The following ZNF84 variants were observed in gnomAD, a reference collection of about 807,000 sequenced individuals.
ZNF84 encodes zinc finger protein HPF2.
ZNF84 carries 12 observed loss-of-function variants against 14.8 expected under a neutral mutation model. The observed-to-expected ratio is 0.81, with a 90% CI of 0.52 to 1.31. The LOEUF (loss-of-function observed/expected upper bound fraction) is 1.31. Among genes scored for constraint, ZNF84 ranks in the 50% most tolerant of loss-of-function variants. ZNF84 has a pLI of 0.00. For synonymous variants in ZNF84, 347 were observed against 291.1 expected, an observed-to-expected ratio of 1.19 and a Z score of -1.96; for missense variants, 859 against 878.6, an observed-to-expected ratio of 0.98 and a Z score of 0.28.
chr12:133,044,265 C>T (rs1411694808), intron 2 of ZNF84, among the ~76,000 whole-genome samples: 1 of 152,146 alleles, frequency 6.6e-6, no homozygotes, highest in Non-Finnish European at 1.5e-5. Flanking sequence ...CCACCTCAGC[C>T]TCCCAAGTAG....
chr12:133,045,539 T>G (rs1953966253), intron 2 of ZNF84, among the ~76,000 whole-genome samples: 1 of 151,856 alleles, frequency 6.6e-6, no homozygotes, highest in East Asian at 1.9e-4. Flanking sequence ...CTCAGAAAGC[T>G]GAAGTGGGAG....
In ZNF84 at chr12:133,057,750, G is replaced by A; in HGVS notation, c.1035G>A (p.Lys345=). 1 of 1,613,896 alleles carries A rather than the reference G, an allele frequency of 6.2e-7. No individual in the cohort carries two copies. The change falls in exon 5 of 5, where the codon AAG becomes AAA. Residue 345 remains lysine (K), a synonymous_variant. Transcript: ENST00000539354. ...INHQRIHTGE[K]PFECRECGKA... ...ATCAGAGAATTCATACCGGTGAGAA[G>A]CCTTTTGAATGCAGGGAATGTGGGA...
chr12:133,059,087 CAT>C lies in ZNF84; in HGVS notation c.*157_*158del. The C allele has an allele frequency of 2.7e-6, 2 of 754,576 alleles. No homozygotes were observed. Among genetic ancestry groups the C allele is most frequent in the South Asian group, 3.9e-5 (2 of 51,498 alleles). The allele number at this position is 754,576 out of a possible 1,614,324, so 46.7% of individuals were successfully genotyped here. On this transcript the variant is annotated 3_prime_UTR_variant, in exon 5 of 5. Coordinates refer to ENST00000539354, the MANE Select transcript of ZNF84 (RefSeq NM_001289971.2). ...GGTGTATGGAAAGCCGATCATAATT[CAT>C]AGAGTAGAGTGAACCTATGACTGCA...
At chr12:133,048,901 T>A in intron 4 of ZNF84, 53 bp downstream of exon 4, 1 of 1,480,766 alleles carries the variant, frequency 6.8e-7, no homozygotes, top group South Asian at 1.2e-5. Flanking sequence ...CCATGTCATC[T>A]GGTCAGTGAC....
At chr12:133,046,198 G>A (rs893189587) in intron 2 of ZNF84, among the ~76,000 whole-genome samples, 17 of 151,890 alleles carry the variant, frequency 1.1e-4, no homozygotes, top group African/African-American at 3.6e-4. Context: ...TTCTTGTAAG[G>A]TCTTTGATGG....
In ZNF84 at chr12:133,048,733, T is replaced by G; in HGVS notation, c.143-20T>G. The G allele has an allele frequency of 6.2e-7, 1 of 1,608,138 alleles. No individual in the cohort carries two copies. Among genetic ancestry groups the G allele is most frequent in the Non-Finnish European group, 8.5e-7 (1 of 1,175,252 alleles). On this transcript the variant is annotated intron_variant, in intron 3 of 4. Transcript: ENST00000539354. Reference sequence around the variant, plus strand: ...CCCAAGCAGTTGGGCCCAAGGCCTTTGTGATTTTTCCCTTAACAGGGTATG... The same window carrying G: ...CCCAAGCAGTTGGGCCCAAGGCCTTGGTGATTTTTCCCTTAACAGGGTATG...
At chr12:133,053,443 T>C (rs1954103900) in intron 4 of ZNF84, among the ~76,000 whole-genome samples, 1 of 152,154 alleles carries the variant, frequency 6.6e-6, no homozygotes, top group Non-Finnish European at 1.5e-5. Flanking sequence ...AAAATTAATA[T>C]ATTAGGCCTA....
At position 133,057,964 on chromosome 12, in the gene ZNF84, A is replaced by G; in HGVS notation, c.1249A>G (p.Ser417Gly). 1 of 1,613,504 alleles carries G rather than the reference A, an allele frequency of 6.2e-7. No individual in the cohort carries two copies. The highest frequency in any genetic ancestry group is 8.5e-7 in the Non-Finnish European group (1 of 1,179,892). Residue 417 changes from serine (S) to glycine (G), a missense_variant, in exon 5 of 5, where the codon AGT becomes GGT. By Grantham distance (56) the Ser-to-Gly change is moderately conservative (BLOSUM62 0). Coordinates refer to ENST00000539354, the MANE Select transcript of ZNF84 (RefSeq NM_001289971.2). ...TAGGAAAGCATTTAGAGAGAGGTCG[A>G]GTCTCATTAATCATCAGAGAACACA... is the stretch of plus-strand genomic sequence containing the variant. ...ECRKAFRERS[S>G]LINHQRTHTG...
chr12:133,063,215 C>T lies in ZNF84; in HGVS notation c.*4283C>T, dbSNP rs749654987. 1.4e-3 allele frequency: 983 copies of T among 702,330 alleles called. No homozygotes were observed. Among genetic ancestry groups the T allele is most frequent in the Non-Finnish European group, 1.8e-3 (707 of 384,834 alleles). The allele number at this position is 702,330 out of a possible 1,614,324, so 43.5% of individuals were successfully genotyped here. On this transcript the variant is annotated 3_prime_UTR_variant, in exon 5 of 5. Transcript: ENST00000539354. ...GTTCTTCTGGTCTTCATGTTCAGGT[C>T]CACCTCTGCCCTTTTCATGTCTTGA...
intron 2 of ZNF84, among the ~76,000 whole-genome samples, chr12:133,044,679 G>A (rs1344969989): frequency 6.6e-6 from 1 of 152,048 alleles, no homozygotes; most frequent in Middle Eastern, 3.2e-3. Flanking sequence ...ACTTTGGGAG[G>A]CCGAGTAGGG....
chr12:133,058,797 G>A lies in ZNF84; in HGVS notation c.2082G>A (p.Gln694=). The A allele has an allele frequency of 6.2e-7, 1 of 1,614,056 alleles. No homozygotes were observed. The highest frequency in any genetic ancestry group is 8.5e-7 in the Non-Finnish European group (1 of 1,179,986). Residue 694 remains glutamine (Q), a synonymous_variant, in exon 5 of 5, where the codon CAG becomes CAA. Transcript: ENST00000539354. ...GTGAATGTAGGAAGGCCTTCTCTCA[G>A]AAGTCACAGCTGGTTAATCATCAGA... is the stretch of plus-strand genomic sequence containing the variant. The part of the protein sequence containing the change: ...GCSECRKAFS[Q]KSQLVNHQRI...
intron 3 of ZNF84, 65 bp from the exon 4 acceptor site, chr12:133,048,688 C>T (rs1954025002): frequency 7.9e-7 from 1 of 1,258,730 alleles, no homozygotes; most frequent in Non-Finnish European, 1.1e-6. Context: ...AAACCTTGCT[C>T]AACTTTAGAG....
intron 2 of ZNF84, among the ~76,000 whole-genome samples, chr12:133,045,772 ACTT>A (rs1424104078): frequency 2.6e-5 from 4 of 152,044 alleles, no homozygotes; most frequent in African/African-American, 9.7e-5. Flanking sequence ...CATTCACTGA[ACTT>A]CTTGAATTTT....
Position 133,057,239 on chromosome 12 carries a change from C to T in ZNF84, c.524C>T (p.Thr175Ile). ...CATTCCAAGCCTGAGGATACTGATA[C>T]CTGGTTAAAATACTATGACTGTGAT... ...FLHSKPEDTD[T>I]WLKYYDCDKY... The change falls in exon 5 of 5, where the codon ACC (threonine) becomes ATC (isoleucine). Residue 175 changes from threonine (T) to isoleucine (I), a missense_variant. Thr to Ile is a moderately conservative substitution (Grantham distance 89). Transcript: ENST00000539354. 2.5e-6 allele frequency: 4 copies of T among 1,613,836 alleles called. No homozygotes were observed. Among genetic ancestry groups the T allele is most frequent in the Non-Finnish European group, 3.4e-6 (4 of 1,179,978 alleles).
chr12:133,043,005 C>G (rs1445360912), intron 2 of ZNF84, among the ~76,000 whole-genome samples: 1 of 152,080 alleles, frequency 6.6e-6, no homozygotes, highest in African/African-American at 2.4e-5. Context: ...TAGTTCTGCT[C>G]CTATCTGTGC....
At position 133,041,394 on chromosome 12, in the gene ZNF84, T is replaced by C. The variant is rs1953885185; in HGVS notation, c.-74T>C. 1 of 1,517,988 alleles carries C rather than the reference T, an allele frequency of 6.6e-7. No individual in the cohort carries two copies. The highest frequency in any genetic ancestry group is 9.1e-7 in the Non-Finnish European group (1 of 1,093,892). 94.0% of individuals were successfully genotyped at this position (1,517,988 alleles called of 1,614,324 possible). ...CTAGCTGAGACCTCACTCCACAGTT[T>C]TGGGGCAGAAGCAGAAGAGACGCAC... On this transcript the variant is annotated 5_prime_UTR_variant, in exon 2 of 5. Transcript: ENST00000539354.
At position 133,062,601 on chromosome 12, in the gene ZNF84, T is replaced by A. The variant is rs1190267393; in HGVS notation, c.*3669T>A. ...CATAACCCTTGCAGATGCATGCATG[T>A]TTTCTGCACCTTGCTATCATTTTTC... On this transcript the variant is annotated 3_prime_UTR_variant, in exon 5 of 5. Transcript: ENST00000539354. 1 of 166,044 alleles carries A rather than the reference T, an allele frequency of 6.0e-6. No homozygotes were observed. The highest frequency in any genetic ancestry group is 1.3e-5 in the Non-Finnish European group (1 of 75,448). 10.3% of individuals were successfully genotyped at this position (166,044 alleles called of 1,614,324 possible). A position where few individuals can be genotyped will look rare whatever the true frequency, so the allele number is the denominator to read the frequency against.
At chr12:133,055,821 C>A (rs113367758) in intron 4 of ZNF84, among the ~76,000 whole-genome samples, 5 of 152,170 alleles carry the variant, frequency 3.3e-5, no homozygotes, top group African/African-American at 1.2e-4. Context: ...AAAATTGGCC[C>A]GGCGCAGTGG....
intron 2 of ZNF84, among the ~76,000 whole-genome samples, chr12:133,045,072 C>T (rs1953956197): frequency 6.6e-6 from 1 of 152,168 alleles, no homozygotes; most frequent in African/African-American, 2.4e-5. Context: ...TGCTGTATAA[C>T]CATCATCACA....
Sources: allele counts gnomAD v4.1 joint callset (sites outside exome capture counted in the v4.1 genomes callset), GRCh38; gene constraint gnomAD v4.1.1; transcripts MANE v1.5; gene names NCBI Gene and HGNC (gene_info 2026-07-23, HGNC 2026-07-21).